The following NAV3 variants were observed in gnomAD, a reference collection of about 807,000 sequenced individuals.
The protein encoded by NAV3 is pore membrane and/or filament interacting like protein 1.
In NAV3, 87 loss-of-function variants were observed where a neutral mutation model predicts 244.7. That is an observed-to-expected ratio of 0.36 (90% confidence interval 0.30 to 0.42). The LOEUF (loss-of-function observed/expected upper bound fraction) is 0.42, where lower values mean the gene tolerates loss of function less well. NAV3 is among the 20% of genes least tolerant of loss of function. The pLI, the probability that NAV3 is intolerant of heterozygous loss-of-function variation, is 1.00. For synonymous variants in NAV3, 1,126 were observed against 1,042.2 expected, an observed-to-expected ratio of 1.08 and a Z score of -1.55; for missense variants, 2,663 against 2,893.3, an observed-to-expected ratio of 0.92 and a Z score of 1.83.
intron 2 of NAV3, among the ~76,000 whole-genome samples, chr12:77,712,838 C>CG (rs1876185453): frequency 6.6e-6 from 1 of 152,098 alleles, no homozygotes; most frequent in Admixed American, 6.5e-5. Context: ...GACATATAGG[C>CG]GAGCAAGTTA....
intron 16 of NAV3, among the ~76,000 whole-genome samples, chr12:78,125,090 T>C (rs186948321): frequency 4.6e-5 from 7 of 152,270 alleles, no homozygotes; most frequent in Middle Eastern, 6.8e-3. Context: ...TTATGACCTA[T>C]TGAAGAGAAA....
intron 8 of NAV3, among the ~76,000 whole-genome samples, chr12:78,015,461 A>G (rs764491265): frequency 1.3e-5 from 2 of 151,256 alleles, no homozygotes; most frequent in Admixed American, 6.6e-5. Flanking sequence ...GGTTTGTCAT[A>G]TAGTTCCTCA....
chr12:77,880,017 G>A (rs1047806090), intron 1 of NAV3, among the ~76,000 whole-genome samples: 1 of 152,100 alleles, frequency 6.6e-6, no homozygotes, highest in African/African-American at 2.4e-5. Context: ...TGTTGTTAGT[G>A]TGATCATATC....
At chr12:77,659,798 A>G (rs571901355) in intron 2 of NAV3, among the ~76,000 whole-genome samples, 2 of 152,334 alleles carry the variant, frequency 1.3e-5, no homozygotes, top group East Asian at 1.9e-4. Context: ...TGATGAGTTC[A>G]TGTCCTTTGT....
chr12:78,087,316 C>A (rs917778185), intron 12 of NAV3, among the ~76,000 whole-genome samples: 3 of 151,966 alleles, frequency 2.0e-5, no homozygotes, highest in African/African-American at 7.2e-5. Context: ...AAACAAACTT[C>A]TAGCTGAAAA....
chr12:77,893,596 A>G (rs1346352154), intron 1 of NAV3, among the ~76,000 whole-genome samples: 1 of 152,112 alleles, frequency 6.6e-6, no homozygotes, highest in Admixed American at 6.5e-5. Flanking sequence ...ACTAAAAAAA[A>G]AAAAGAAAAC....
At chr12:77,939,214 C>T (rs1054275382) in intron 1 of NAV3, among the ~76,000 whole-genome samples, 6 of 152,082 alleles carry the variant, frequency 3.9e-5, no homozygotes, top group Non-Finnish European at 7.4e-5. Flanking sequence ...GCCTAATTTT[C>T]CCTAATTTTA....
chr12:77,913,378 T>C (rs1886806994), intron 1 of NAV3, among the ~76,000 whole-genome samples: 1 of 152,026 alleles, frequency 6.6e-6, no homozygotes, highest in Admixed American at 6.6e-5. Flanking sequence ...AATTTCCTAC[T>C]CCATAATCCA....
At chr12:78,075,363 C>T (rs932501467) in intron 12 of NAV3, among the ~76,000 whole-genome samples, 18 of 151,966 alleles carry the variant, frequency 1.2e-4, no homozygotes, top group Admixed American at 4.6e-4. Flanking sequence ...CTAACAGTTA[C>T]AAGAATAGTT....
At chr12:77,884,568 C>G (rs1012058465) in intron 1 of NAV3, among the ~76,000 whole-genome samples, 1 of 152,118 alleles carries the variant, frequency 6.6e-6, no homozygotes, top group African/African-American at 2.4e-5. Flanking sequence ...AAGGGTGTCC[C>G]AGCTACAGCA....
At chr12:78,044,792 C>T (rs1043036522) in intron 9 of NAV3, among the ~76,000 whole-genome samples, 7 of 152,102 alleles carry the variant, frequency 4.6e-5, no homozygotes, top group East Asian at 3.8e-4. Context: ...TATCCTGAGA[C>T]GTTGCTAAAT....
At chr12:78,086,237 C>A (rs1226346785) in intron 12 of NAV3, among the ~76,000 whole-genome samples, 1 of 151,984 alleles carries the variant, frequency 6.6e-6, no homozygotes, top group Non-Finnish European at 1.5e-5. Flanking sequence ...TAAAAGAAAA[C>A]ACTAAATCTG....
intron 5 of NAV3, among the ~76,000 whole-genome samples, chr12:77,979,974 AT>A (rs1869264955): frequency 6.6e-6 from 1 of 152,188 alleles, no homozygotes; most frequent in East Asian, 1.9e-4. Context: ...TTAGGGGTTT[AT>A]ATGGCAAGGA....
intron 1 of NAV3, among the ~76,000 whole-genome samples, chr12:77,893,097 C>A (rs960244549): frequency 5.9e-5 from 9 of 152,058 alleles, no homozygotes; most frequent in African/African-American, 2.2e-4. Context: ...TTTCCTCTAT[C>A]TCTAATTGTA....
At chr12:77,618,219 C>A (rs1871219136) in intron 2 of NAV3, among the ~76,000 whole-genome samples, 1 of 152,144 alleles carries the variant, frequency 6.6e-6, no homozygotes, top group African/African-American at 2.4e-5. Flanking sequence ...AGATACTAAG[C>A]CAGAATCATT....
intron 1 of NAV3, among the ~76,000 whole-genome samples, chr12:77,875,309 A>G (rs746198449): frequency 1.3e-5 from 2 of 152,026 alleles, no homozygotes; most frequent in Admixed American, 6.6e-5. Context: ...TCATCCCTGT[A>G]TATTATACTG....
chr12:77,882,121 C>T (rs1478793741), intron 1 of NAV3, among the ~76,000 whole-genome samples: 4 of 151,996 alleles, frequency 2.6e-5, no homozygotes, highest in Non-Finnish European at 5.9e-5. Flanking sequence ...ACAGCCAAAG[C>T]GATCTCACAC....
chr12:77,681,939 G>A (rs1464128408), intron 2 of NAV3, among the ~76,000 whole-genome samples: 4 of 152,140 alleles, frequency 2.6e-5, no homozygotes, highest in East Asian at 1.9e-4. Flanking sequence ...CAATGGCATC[G>A]TCAAGCTATT....
At chr12:77,694,534 A>T (rs1217755793) in intron 2 of NAV3, among the ~76,000 whole-genome samples, 1 of 152,030 alleles carries the variant, frequency 6.6e-6, no homozygotes, top group Non-Finnish European at 1.5e-5. Context: ...TAATGCACAC[A>T]AACCTTAACA....
Sources: gnomAD v4.1 joint callset for allele counts (sites outside exome capture counted in the v4.1 genomes callset) on GRCh38, gnomAD v4.1.1 for gene constraint, MANE v1.5 for transcripts, NCBI Gene and HGNC (gene_info 2026-07-23, HGNC 2026-07-21) for gene names.